SBF2: variants seen among roughly 807,000 people sequenced by gnomAD.
SBF2 encodes the protein SET binding factor 2, also known as myotubularin-related protein 13.
SBF2 carries 112 observed loss-of-function variants against 225.2 expected under a neutral mutation model. The observed-to-expected ratio is 0.50, with a 90% CI of 0.43 to 0.58. The LOEUF is 0.58. Ranked by LOEUF, SBF2 falls within the 20% of genes least tolerant of loss-of-function variation. The probability of loss-of-function intolerance (pLI) is 0.00; values close to 1 mark genes in which losing one functional copy is unlikely to be tolerated. For missense variants in SBF2, 1,996 were observed against 2,206.2 expected (o/e 0.90, Z 1.91); for synonymous variants, 763 against 773.3 (o/e 0.99, Z 0.22).
At position 9,998,300 on chromosome 11, in the gene SBF2, G is replaced by T; in HGVS notation, c.941C>A (p.Pro314Gln). Residue 314 changes from proline (P) to glutamine (Q), a missense_variant, in exon 9 of 40, where the codon CCA becomes CAA. Coordinates refer to ENST00000256190, the MANE Select transcript of SBF2 (RefSeq NM_030962.4). Reference protein sequence around the residue: ...ECIHLSSLPEPLLHQTQSALS... With the variant: ...ECIHLSSLPEQLLHQTQSALS... ...AGCTGATTGAGTCTGATGTAGAAGT[G>T]GTTCTGGGAGGGAAGAGAGGTGAAT... is the stretch of plus-strand genomic sequence containing the variant. The T allele has an allele frequency of 6.2e-7, 1 of 1,605,380 alleles. No homozygotes were observed. The highest frequency in any genetic ancestry group is 8.5e-7 in the Non-Finnish European group (1 of 1,172,342).
intron 2 of SBF2, among the ~76,000 whole-genome samples, chr11:10,049,215 T>C (rs578078294): frequency 6.6e-6 from 1 of 152,218 alleles, no homozygotes; most frequent in South Asian, 2.1e-4. Context: ...ATTTTTTTGT[T>C]TTGGAAAAGA....
chr11:10,110,124 C>T lies in SBF2; in HGVS notation c.142-67143G>A, dbSNP rs887904593. 1.1e-4 allele frequency among the ~76,000 whole-genome samples: 17 copies of T among 152,280 alleles called. 1 individual carries two copies. Among genetic ancestry groups the T allele is most frequent in the Admixed American group, 1.0e-3 (16 of 15,292 alleles). ...TTCACATGTATGAGGAAAAATAAAA[C>T]ATTTCTTCACTGCCTTTATTTGAGG... On this transcript the variant is annotated intron_variant, in intron 2 of 39. Coordinates refer to ENST00000256190, the MANE Select transcript of SBF2 (RefSeq NM_030962.4).
At chr11:10,029,916 G>T in intron 4 of SBF2, 41 bp from the exon 5 acceptor site, 1 of 1,355,268 alleles carries the variant, frequency 7.4e-7, no homozygotes, top group Non-Finnish European at 1.1e-6. Context: ...CATGGAAAAA[G>T]CATTAAAAAT....
intron 24 of SBF2, among the ~76,000 whole-genome samples, chr11:9,843,151 A>C (rs1305074158): frequency 6.6e-6 from 1 of 152,200 alleles, no homozygotes; most frequent in Non-Finnish European, 1.5e-5. Context: ...GTCCTCCTAC[A>C]TGGAAAGCCA....
intron 3 of SBF2, among the ~76,000 whole-genome samples, chr11:10,034,108 A>T (rs1949355170): frequency 1.3e-5 from 2 of 152,172 alleles, no homozygotes; most frequent in African/African-American, 4.8e-5. Flanking sequence ...TGCTTTTAGT[A>T]GGTCTCATTA....
intron 8 of SBF2, 72 bp downstream of exon 8, chr11:10,000,842 T>C: frequency 1.3e-6 from 1 of 796,862 alleles, no homozygotes; most frequent in Non-Finnish European, 2.2e-6. Context: ...TGAGTTGAAA[T>C]GTTATAGGAC....
chr11:9,913,173 A>G (rs2134194134), intron 16 of SBF2, among the ~76,000 whole-genome samples: 1 of 152,232 alleles, frequency 6.6e-6, no homozygotes, highest in Admixed American at 6.5e-5. Flanking sequence ...AGTCTCAGCT[A>G]TTCAGGAGGT....
intron 2 of SBF2, among the ~76,000 whole-genome samples, chr11:10,087,544 G>A (rs771984068): frequency 2.0e-5 from 3 of 152,060 alleles, no homozygotes; most frequent in Non-Finnish European, 4.4e-5. Context: ...GCCCATATCT[G>A]GCTAAAACAT....
chr11:9,835,928 A>G (rs905895593), intron 26 of SBF2, among the ~76,000 whole-genome samples: 2 of 152,056 alleles, frequency 1.3e-5, no homozygotes, highest in East Asian at 3.9e-4. Context: ...ATTCTTGTAG[A>G]TGTCTTTTGG....
At chr11:9,965,642 C>CA (rs1866857761) in intron 14 of SBF2, among the ~76,000 whole-genome samples, 1 of 152,114 alleles carries the variant, frequency 6.6e-6, no homozygotes, top group Non-Finnish European at 1.5e-5. Context: ...AAATGTAATA[C>CA]AAAGAAGATC....
At chr11:10,011,548 T>C (rs1948461841) in intron 6 of SBF2, among the ~76,000 whole-genome samples, 1 of 152,244 alleles carries the variant, frequency 6.6e-6, no homozygotes, top group Admixed American at 6.5e-5. Flanking sequence ...AGAGCAGGTC[T>C]ACTAGCGATA....
intron 17 of SBF2, among the ~76,000 whole-genome samples, chr11:9,860,812 G>A (rs1013224969): frequency 1.3e-5 from 2 of 152,086 alleles, no homozygotes; most frequent in Admixed American, 6.5e-5. Flanking sequence ...CCAAAAAACT[G>A]AGCTTTTAAC....
At chr11:10,018,867 T>C (rs1038060856) in intron 6 of SBF2, among the ~76,000 whole-genome samples, 10 of 152,186 alleles carry the variant, frequency 6.6e-5, no homozygotes, top group Non-Finnish European at 1.2e-4. Context: ...TTCTGACTAT[T>C]TCCTAAAACC....
chr11:9,955,423 T>A (rs1007877699), intron 16 of SBF2, among the ~76,000 whole-genome samples: 2 of 152,214 alleles, frequency 1.3e-5, no homozygotes, highest in Admixed American at 6.5e-5. Context: ...TCAGTACATA[T>A]ATAGATGTAC....
chr11:9,850,223 C>A lies in SBF2; in HGVS notation c.2611-5G>T, dbSNP rs1590218785. The A allele has an allele frequency of 2.5e-6, 4 of 1,612,326 alleles. No homozygotes were observed. Among genetic ancestry groups the A allele is most frequent in the Non-Finnish European group, 3.4e-6 (4 of 1,179,604 alleles). On this transcript the variant is annotated splice_region_variant and splice_polypyrimidine_tract_variant and intron_variant, in intron 21 of 39. Coordinates refer to ENST00000256190, the MANE Select transcript of SBF2 (RefSeq NM_030962.4). ...AGCAGGTCTAAGAATCTTGGGCTTA[C>A]AACAGAAAAAGATTGATTGATTGAT... is the stretch of plus-strand genomic sequence containing the variant.
chr11:10,166,913 G>A lies in SBF2; in HGVS notation c.141+26989C>T, dbSNP rs753182385. 4.7e-4 allele frequency among the ~76,000 whole-genome samples: 71 copies of A among 151,984 alleles called. 1 individual carries two copies. In the Middle Eastern group the frequency reaches 0.01, roughly 22 times the overall value. ...GAAGTCAGAGGTTGCAGTGAGCCGA[G>A]ATCATGCCACTGTACTCCAGCCTGG... On this transcript the variant is annotated intron_variant, in intron 2 of 39. Transcript: ENST00000256190.
rs576787301 is a variant in SBF2 at position 10,225,141 on chromosome 11, T to TA, written c.56-31155dup. On this transcript the variant is annotated intron_variant, in intron 1 of 39. Transcript: ENST00000256190. ...AAAACATTCCCTTCGTTGTCCCTGA[T>TA]AATCTATGTTACCTCAGAATTAGGA... Among the ~76,000 whole-genome samples the TA allele has an allele frequency of 8.0e-4, 122 of 152,266 alleles. 1 individual carries two copies. The highest frequency in any genetic ancestry group is 2.8e-3 in the African/African-American group (115 of 41,574).
intron 16 of SBF2, among the ~76,000 whole-genome samples, chr11:9,918,020 G>A (rs1863252825): frequency 6.6e-6 from 1 of 151,474 alleles, no homozygotes; most frequent in South Asian, 2.1e-4. Context: ...TGAACTTGAT[G>A]CCTGCAAAGT....
rs79401259 is a variant in SBF2, at chr11:9,787,636, G to A, written c.5035C>T (p.Arg1679Cys). ...CTCAAGGGGCATTGCCAACTCACGC[G>A]ATCTGTTCTTGGTTCTTCTTTAAGG... ...VDLKEEPRTDRSQRHLSRSPG... is the reference protein window; with the variant it reads ...VDLKEEPRTDCSQRHLSRSPG... The change falls in exon 36 of 40, where the codon CGC becomes TGC. Residue 1679 changes from arginine (R) to cysteine (C), a missense_variant and splice_region_variant. Arg to Cys is a radical substitution (Grantham distance 180). Coordinates refer to ENST00000256190, the MANE Select transcript of SBF2 (RefSeq NM_030962.4). 217 of 1,613,712 alleles carry A rather than the reference G, an allele frequency of 1.3e-4. 2 individuals carry two copies. The East Asian group carries it at 4.7e-3, about 35-fold the overall frequency.
Sources: allele counts gnomAD v4.1 joint callset (sites outside exome capture counted in the v4.1 genomes callset), GRCh38; gene constraint gnomAD v4.1.1; transcripts MANE v1.5; gene names NCBI Gene and HGNC (gene_info 2026-07-23, HGNC 2026-07-21).